The following FNDC3A variants were observed in gnomAD, a reference collection of about 807,000 sequenced individuals.
FNDC3A encodes the protein fibronectin type-III domain-containing protein 3A.
In FNDC3A, 32 loss-of-function variants were observed where a neutral mutation model predicts 148.9. That is an observed-to-expected ratio of 0.21 (90% confidence interval 0.16 to 0.29). The LOEUF (loss-of-function observed/expected upper bound fraction) is 0.29. FNDC3A is among the 10% of genes least tolerant of loss of function. The pLI, the probability that FNDC3A is intolerant of heterozygous loss-of-function variation, is 1.00. For missense variants in FNDC3A, 1,191 were observed against 1,452.8 expected, an observed-to-expected ratio of 0.82 and a Z score of 2.93; for synonymous variants, 472 against 473.6, an observed-to-expected ratio of 1.00 and a Z score of 0.04.
chr13:49,142,731 C>T (rs1208520841), intron 7 of FNDC3A, among the ~76,000 whole-genome samples: 1 of 152,308 alleles, frequency 6.6e-6, no homozygotes, highest in East Asian at 1.9e-4. Flanking sequence ...AATTACCCAC[C>T]TCTTTCTACC....
intron 5 of FNDC3A, among the ~76,000 whole-genome samples, chr13:49,133,960 G>A (rs1882181691): frequency 6.6e-6 from 1 of 152,070 alleles, no homozygotes; most frequent in Admixed American, 6.5e-5. Flanking sequence ...CTAATTGATT[G>A]CAGTTGCTAT....
chr13:49,007,815 T>G (rs1952249173), intron 2 of FNDC3A, among the ~76,000 whole-genome samples: 1 of 152,054 alleles, frequency 6.6e-6, no homozygotes, highest in African/African-American at 2.4e-5. Context: ...GGGACAGGTT[T>G]TTAGGTAGAG....
chr13:49,166,997 A>G (rs1442930695), intron 8 of FNDC3A, among the ~76,000 whole-genome samples: 1 of 151,914 alleles, frequency 6.6e-6, no homozygotes, highest in African/African-American at 2.4e-5. Context: ...CTCCAAAAAA[A>G]AGAGTCTGGC....
At chr13:49,047,706 G>A in intron 2 of FNDC3A, among the ~76,000 whole-genome samples, 1 of 152,200 alleles carries the variant, frequency 6.6e-6, no homozygotes. Context: ...TTTGTCGGAT[G>A]TATAGCTTGT....
chr13:48,994,984 G>A (rs975164522), intron 1 of FNDC3A, among the ~76,000 whole-genome samples: 8 of 152,146 alleles, frequency 5.3e-5, no homozygotes, highest in African/African-American at 1.4e-4. Flanking sequence ...TAAGAAAGAT[G>A]TAGGTTAAAT....
intron 4 of FNDC3A, among the ~76,000 whole-genome samples, chr13:49,123,316 C>T (rs1227981356): frequency 2.0e-5 from 3 of 152,034 alleles, no homozygotes; most frequent in Non-Finnish European, 4.4e-5. Context: ...TGAAACTGGA[C>T]CCTTTCCTTA....
chr13:49,009,802 C>T (rs1322176981), intron 2 of FNDC3A, among the ~76,000 whole-genome samples: 1 of 152,208 alleles, frequency 6.6e-6, no homozygotes, highest in Non-Finnish European at 1.5e-5. Context: ...TTAATTTCTA[C>T]TTACTTACCT....
chr13:49,055,155 G>A (rs902838686), intron 2 of FNDC3A, among the ~76,000 whole-genome samples: 2 of 151,832 alleles, frequency 1.3e-5, no homozygotes, highest in Admixed American at 6.6e-5. Flanking sequence ...CCAGGCTGGG[G>A]TGCGGTGTCA....
At position 49,198,400 on chromosome 13, in the gene FNDC3A, C is replaced by T. The variant is rs1886260284; in HGVS notation, c.2813C>T (p.Pro938Leu). The T allele has an allele frequency of 6.2e-7, 1 of 1,614,186 alleles. No homozygotes were observed. Among genetic ancestry groups the T allele is most frequent in the South Asian group, 1.1e-5 (1 of 91,090 alleles). Residue 938 changes from proline (P) to leucine (L), a missense_variant, in exon 23 of 26, where the codon CCT (proline) becomes CTT (leucine). Physicochemically the swap from Pro to Leu is moderately conservative, Grantham distance 98. Around this residue, in one of 3 missense-constraint regions of FNDC3A, gnomAD observed 751 missense variants for 944.0 expected, o/e 0.80. Coordinates refer to ENST00000492622, the MANE Select transcript of FNDC3A (RefSeq NM_001079673.2). ...IQALNSLGAG[P>L]FSHMIKLKTK... ...GCCTTGAATAGCCTTGGAGCTGGTC[C>T]TTTCAGCCATATGATAAAATTAAAA...
intron 3 of FNDC3A, among the ~76,000 whole-genome samples, chr13:49,092,729 A>T (rs532519343): frequency 1.3e-5 from 2 of 151,696 alleles, no homozygotes; most frequent in Non-Finnish European, 2.9e-5. Context: ...AGTTACATCT[A>T]TTTTGAGACT....
intron 6 of FNDC3A, among the ~76,000 whole-genome samples, chr13:49,137,912 G>T (rs1006460025): frequency 6.6e-6 from 1 of 152,116 alleles, no homozygotes; most frequent in Admixed American, 6.5e-5. Context: ...ACCATGTCAG[G>T]TTCTAAAGGT....
chr13:49,090,796 G>A (rs1301496787), intron 3 of FNDC3A, among the ~76,000 whole-genome samples: 1 of 152,102 alleles, frequency 6.6e-6, no homozygotes, highest in East Asian at 1.9e-4. Context: ...GAGGCCAGGA[G>A]TTCAAGACAA....
At chr13:49,177,811 T>C (rs1485771951) in intron 13 of FNDC3A, among the ~76,000 whole-genome samples, 1 of 152,156 alleles carries the variant, frequency 6.6e-6, no homozygotes, top group Non-Finnish European at 1.5e-5. Context: ...GACTCCATAT[T>C]ATATGATTCC....
chr13:49,088,016 A>C (rs1878925706), intron 3 of FNDC3A, among the ~76,000 whole-genome samples: 1 of 152,116 alleles, frequency 6.6e-6, no homozygotes, highest in Non-Finnish European at 1.5e-5. Context: ...TATTAGAATG[A>C]AGTTTTCTAA....
In FNDC3A at chr13:49,114,719, A is replaced by G; in HGVS notation, c.240A>G (p.Gly80=). ...GSVPPIYVPP[G]YAPQVIEDNG... The stretch of plus-strand genomic sequence containing the variant: ...TGCCTCCTATCTATGTGCCTCCTGG[A>G]TATGCCCCACAGGTATGTTTTTATG... The change falls in exon 4 of 26, where the codon GGA becomes GGG. Residue 80 remains glycine, a synonymous_variant. Transcript: ENST00000492622. 1 of 1,608,554 alleles carries G rather than the reference A, an allele frequency of 6.2e-7. No homozygotes were observed. The highest frequency in any genetic ancestry group is 8.5e-7 in the Non-Finnish European group (1 of 1,175,010).
At chr13:49,044,217 G>T (rs946941177) in intron 2 of FNDC3A, 17 of 206,334 alleles carry the variant, frequency 8.2e-5, no homozygotes, top group Admixed American at 7.6e-4. Context: ...TCAGTGGTTT[G>T]AGTGAGTTCA....
At chr13:49,122,383 G>A (rs966004230) in intron 4 of FNDC3A, among the ~76,000 whole-genome samples, 2 of 152,052 alleles carry the variant, frequency 1.3e-5, no homozygotes, top group African/African-American at 4.8e-5. Context: ...CAAACCCACA[G>A]CCAATATCAT....
At chr13:49,003,859 G>C (rs560745344) in intron 1 of FNDC3A, among the ~76,000 whole-genome samples, 1 of 152,152 alleles carries the variant, frequency 6.6e-6, no homozygotes, top group African/African-American at 2.4e-5. Flanking sequence ...CTTCTACATA[G>C]AGCACTGATC....
chr13:49,158,339 T>C (rs1883855449), intron 8 of FNDC3A, among the ~76,000 whole-genome samples: 1 of 152,252 alleles, frequency 6.6e-6, no homozygotes, highest in African/African-American at 2.4e-5. Context: ...CCTGACCCCT[T>C]GCGCTTCCCA....
Sources: allele counts gnomAD v4.1 joint callset (sites outside exome capture counted in the v4.1 genomes callset), GRCh38; gene constraint gnomAD v4.1.1; regional missense constraint gnomAD v4.1.1; transcripts MANE v1.5; gene names NCBI Gene and HGNC (gene_info 2026-07-23, HGNC 2026-07-21).